Variants in FBN1 observed in about 807,000 individuals in gnomAD.
FBN1 encodes the protein fibrillin 1.
A neutral mutation model predicts 365.1 loss-of-function variants in FBN1; 29 were observed. That is an observed-to-expected ratio of 0.08 (90% confidence interval 0.06 to 0.11). FBN1 has a LOEUF of 0.11. Ranked by LOEUF, FBN1 falls within the 10% of genes least tolerant of loss-of-function variation. FBN1 has a pLI of 1.00. For synonymous variants in FBN1, 1,210 were observed against 1,270.5 expected (o/e 0.95, Z 1.01); for missense variants, 2,476 against 3,703.2 (o/e 0.67, Z 8.60).
intron 10 of FBN1, among the ~76,000 whole-genome samples, chr15:48,518,696 G>A (rs2043825703): frequency 6.6e-6 from 1 of 152,142 alleles, no homozygotes; most frequent in Admixed American, 6.5e-5. Context: ...ATTTTGTTAA[G>A]CTGATGTCCA....
chr15:48,526,622 C>T (rs2043917382), intron 8 of FBN1, among the ~76,000 whole-genome samples: 1 of 152,158 alleles, frequency 6.6e-6, no homozygotes, highest in Admixed American at 6.5e-5. Flanking sequence ...AACTCTCCTA[C>T]TAATTATTTT....
chr15:48,578,181 C>T lies in FBN1; in HGVS notation c.538+18102G>A, dbSNP rs182083182. ...AACCTTCTAAGGTTGGCAAGTAGTT[C>T]AAATTCATTTTTAGTTCATTCATTA... On this transcript the variant is annotated intron_variant, in intron 6 of 65. Coordinates refer to ENST00000316623, the MANE Select transcript of FBN1 (RefSeq NM_000138.5). Among the ~76,000 whole-genome samples, 199 of 152,186 alleles carry T rather than the reference C, an allele frequency of 1.3e-3. 1 individual carries two copies. The highest frequency in any genetic ancestry group is 4.6e-3 in the African/African-American group (190 of 41,526).
At chr15:48,561,632 A>G (rs546516796) in intron 6 of FBN1, among the ~76,000 whole-genome samples, 1 of 152,254 alleles carries the variant, frequency 6.6e-6, no homozygotes, top group South Asian at 2.1e-4. Context: ...CCTTTTTTAG[A>G]CTTTATCAAC....
intron 10 of FBN1, among the ~76,000 whole-genome samples, chr15:48,520,432 A>G (rs1251576031): frequency 1.3e-5 from 2 of 152,202 alleles, no homozygotes; most frequent in Non-Finnish European, 2.9e-5. Flanking sequence ...GTTTAGTAGT[A>G]ATAAGCCAGC....
chr15:48,625,388 T>C (rs975050231), intron 2 of FBN1, among the ~76,000 whole-genome samples: 1 of 152,252 alleles, frequency 6.6e-6, no homozygotes, highest in East Asian at 1.9e-4. Flanking sequence ...AAACCCACCA[T>C]GTCTCAGCTT....
At chr15:48,616,569 T>G (rs1389225646) in intron 2 of FBN1, among the ~76,000 whole-genome samples, 1 of 152,234 alleles carries the variant, frequency 6.6e-6, no homozygotes, top group Non-Finnish European at 1.5e-5. Context: ...CTGGATTATT[T>G]CCATAATAAA....
chr15:48,504,885 A>T, intron 16 of FBN1, 140 bp downstream of exon 16: 2 of 1,110,968 alleles, frequency 1.8e-6, no homozygotes, highest in Non-Finnish European at 2.7e-6. Flanking sequence ...ACAAAAAGAG[A>T]ACTGACCCTG....
chr15:48,570,431 G>T (rs954943885), intron 6 of FBN1, among the ~76,000 whole-genome samples: 3 of 150,672 alleles, frequency 2.0e-5, no homozygotes, highest in South Asian at 2.1e-4. Context: ...CAAAAAATTT[G>T]TTTTGTGCCT....
chr15:48,479,451 G>A (rs1262073266), intron 32 of FBN1, among the ~76,000 whole-genome samples: 2 of 152,160 alleles, frequency 1.3e-5, no homozygotes, highest in Non-Finnish European at 2.9e-5. Context: ...TCCTTCAGAT[G>A]AGAATATCAC....
intron 2 of FBN1, among the ~76,000 whole-genome samples, chr15:48,634,687 G>A (rs1890056116): frequency 6.6e-6 from 1 of 151,690 alleles, no homozygotes; most frequent in Non-Finnish European, 1.5e-5. Flanking sequence ...ACTCTCATTT[G>A]ATATTCCTAT....
rs114931438 is a variant in FBN1, at chr15:48,601,395, A to G, written c.347-1161T>C. 6.6e-3 allele frequency among the ~76,000 whole-genome samples: 1,002 copies of G among 152,342 alleles called. 12 individuals carry two copies. Among genetic ancestry groups the G allele is most frequent in the African/African-American group, 0.023 (956 of 41,576 alleles). ...CTAATCCTTGTTGATACCTGCCTAC[A>G]CATGGAGGCCAGGATTGGGCTTTGG... On this transcript the variant is annotated intron_variant, in intron 4 of 65. Coordinates refer to ENST00000316623, the MANE Select transcript of FBN1 (RefSeq NM_000138.5).
intron 19 of FBN1, 67 bp from the exon 20 acceptor site, chr15:48,496,292 T>C: frequency 6.3e-7 from 1 of 1,596,488 alleles, no homozygotes. Flanking sequence ...CTTTGCTCTT[T>C]TACATTAGAT....
At chr15:48,636,903 C>G (rs762150535) in intron 2 of FBN1, among the ~76,000 whole-genome samples, 1 of 152,180 alleles carries the variant, frequency 6.6e-6, no homozygotes. Context: ...CAATTTGTTA[C>G]GTAGCAATAA....
At chr15:48,616,725 C>T (rs1364459710) in intron 2 of FBN1, among the ~76,000 whole-genome samples, 1 of 152,178 alleles carries the variant, frequency 6.6e-6, no homozygotes, top group Non-Finnish European at 1.5e-5. Flanking sequence ...ACCCCCATCA[C>T]TCCAACACAC....
chr15:48,492,694 T>C, intron 23 of FBN1, 108 bp from the exon 24 acceptor site: 1 of 953,158 alleles, frequency 1.0e-6, no homozygotes, highest in East Asian at 2.7e-5. Flanking sequence ...GGTAAGTTCA[T>C]AAAACTAGTT....
At chr15:48,639,014 T>C (rs1263035010) in intron 2 of FBN1, among the ~76,000 whole-genome samples, 2 of 152,236 alleles carry the variant, frequency 1.3e-5, no homozygotes, top group Non-Finnish European at 2.9e-5. Flanking sequence ...ATTAATGTCT[T>C]TGCAGAAAGT....
At chr15:48,568,055 A>AGAAAGAAAGAAAGAAAGAG (rs1566928788) in intron 6 of FBN1, among the ~76,000 whole-genome samples, 6 of 144,940 alleles carry the variant, frequency 4.1e-5, no homozygotes, top group African/African-American at 1.6e-4. Context: ...GAAAGAAGAA[A>AGAAAGAAAGAAAGAAAGAG]GAAAGAAAGA....
chr15:48,412,435 A>G, intron 65 of FBN1, 134 bp downstream of exon 65: 2 of 911,104 alleles, frequency 2.2e-6, no homozygotes, highest in Admixed American at 1.7e-5. Flanking sequence ...AATACAGCCT[A>G]GAGCTCAGGG....
chr15:48,583,533 T>C (rs977420874), intron 6 of FBN1, among the ~76,000 whole-genome samples: 1 of 152,234 alleles, frequency 6.6e-6, no homozygotes, highest in Non-Finnish European at 1.5e-5. Context: ...CAGTTTATTT[T>C]ACTGATGGGT....
Sources: gnomAD v4.1 joint callset for allele counts (sites outside exome capture counted in the v4.1 genomes callset) on GRCh38, gnomAD v4.1.1 for gene constraint, MANE v1.5 for transcripts, NCBI Gene and HGNC (gene_info 2026-07-23, HGNC 2026-07-21) for gene names.